Variants in KCNH1 observed in about 807,000 individuals in gnomAD.
KCNH1 encodes potassium voltage-gated channel subfamily H member 1.
In KCNH1, 27 loss-of-function variants were observed where a neutral mutation model predicts 69.2. That is an observed-to-expected ratio of 0.39 (90% CI 0.29 to 0.54). The LOEUF is 0.54. Among genes scored for constraint, KCNH1 ranks in the 20% least tolerant of loss-of-function variants. KCNH1 has a pLI of 0.68. For synonymous variants in KCNH1, 456 were observed against 487.7 expected (o/e 0.93, Z 0.86); for missense variants, 798 against 1,261.6 (o/e 0.63, Z 5.57).
chr1:210,741,984 G>A (rs1558449888), intron 10 of KCNH1, among the ~76,000 whole-genome samples: 2 of 152,186 alleles, frequency 1.3e-5, no homozygotes, highest in African/African-American at 4.8e-5. Flanking sequence ...TAATTGATTA[G>A]AGATAGTGCT....
chr1:210,926,512 G>T (rs571404585), intron 6 of KCNH1, among the ~76,000 whole-genome samples: 1 of 152,110 alleles, frequency 6.6e-6, no homozygotes, highest in Non-Finnish European at 1.5e-5. Context: ...CTAGGGGAAG[G>T]GGGAGAACAC....
chr1:210,821,007 A>G (rs1046106278), intron 7 of KCNH1, among the ~76,000 whole-genome samples: 1 of 152,222 alleles, frequency 6.6e-6, no homozygotes, highest in Non-Finnish European at 1.5e-5. Flanking sequence ...GTGTTAATCT[A>G]TTATAGCGCA....
chr1:210,976,406 C>T (rs932533583), intron 6 of KCNH1, among the ~76,000 whole-genome samples: 7 of 148,696 alleles, frequency 4.7e-5, no homozygotes, highest in African/African-American at 1.7e-4. Context: ...CAATGAGATA[C>T]CATCTCACAC....
At position 210,683,735 on chromosome 1, in the gene KCNH1, C is replaced by T. The variant is rs1199318830; in HGVS notation, c.2516G>A (p.Arg839His). ...ACTCTTCCCGCAAGCATCTTTGAAGCGGGCCCAGCTTTTGCGCTTGGCACA... is the reference window on the plus strand; with the variant it reads ...ACTCTTCCCGCAAGCATCTTTGAAGTGGGCCCAGCTTTTGCGCTTGGCACA... ...GDCAKRKSWA[R>H]FKDACGKSED... is the part of the protein sequence containing the mutation. Residue 839 changes from arginine to histidine, a missense_variant, in exon 11 of 11, where the codon CGC becomes CAC. This residue lies in a region of KCNH1 where 331 missense variants were observed against 363.2 expected (regional missense o/e 0.91). Transcript: ENST00000271751. The surrounding 1 kb of genome is among the most constrained non-coding windows in gnomAD (Gnocchi z 5.7). 6.2e-7 allele frequency: 1 copy of T among 1,614,152 alleles called. No homozygotes were observed. Among genetic ancestry groups the T allele is most frequent in the Non-Finnish European group, 8.5e-7 (1 of 1,180,046 alleles).
chr1:210,742,858 C>T (rs111543125), intron 10 of KCNH1, among the ~76,000 whole-genome samples: 13 of 150,390 alleles, frequency 8.6e-5, no homozygotes, highest in South Asian at 6.3e-4. Context: ...TGTGTGTGTG[C>T]GCGCGCGCGT....
intron 7 of KCNH1, among the ~76,000 whole-genome samples, chr1:210,818,645 T>C (rs1411111257): frequency 6.6e-6 from 1 of 152,220 alleles, no homozygotes; most frequent in Non-Finnish European, 1.5e-5. Flanking sequence ...TCAGTTTTTT[T>C]GCTATGTTAT....
chr1:210,918,921 A>G (rs575392480), intron 7 of KCNH1: 7 of 152,360 alleles, frequency 4.6e-5, no homozygotes, highest in Admixed American at 1.3e-4. Flanking sequence ...TATATAATCA[A>G]TATAAAATAC....
At chr1:210,880,781 A>G (rs1373286352) in intron 7 of KCNH1, among the ~76,000 whole-genome samples, 1 of 152,186 alleles carries the variant, frequency 6.6e-6, no homozygotes, top group Non-Finnish European at 1.5e-5. Context: ...TGTCAAGAGA[A>G]TGAGAAGGCA....
At chr1:210,901,812 C>T (rs1386141557) in intron 7 of KCNH1, among the ~76,000 whole-genome samples, 1 of 152,154 alleles carries the variant, frequency 6.6e-6, no homozygotes, top group Admixed American at 6.5e-5. Flanking sequence ...TCTTATATTC[C>T]ATTTATCTGT....
intron 7 of KCNH1, among the ~76,000 whole-genome samples, chr1:210,819,574 C>A (rs1684884367): frequency 6.6e-6 from 1 of 151,310 alleles, no homozygotes; most frequent in African/African-American, 2.4e-5. Flanking sequence ...TTAAGCTAAG[C>A]AGTGACTAGT....
chr1:211,124,066 G>A (rs187614732), intron 1 of KCNH1, among the ~76,000 whole-genome samples: 1 of 152,280 alleles, frequency 6.6e-6, no homozygotes, highest in East Asian at 1.9e-4. Context: ...ACAGGAGAGT[G>A]ACTAGAATTT....
chr1:211,061,994 CCCAGAATAG>C (rs1690440591), intron 5 of KCNH1, among the ~76,000 whole-genome samples: 1 of 151,990 alleles, frequency 6.6e-6, no homozygotes, highest in South Asian at 2.1e-4. Flanking sequence ...CAACAGAAGA[CCCAGAATAG>C]CCAAAGCTAT....
At chr1:210,893,102 T>C (rs1239804727) in intron 7 of KCNH1, among the ~76,000 whole-genome samples, 3 of 152,204 alleles carry the variant, frequency 2.0e-5, no homozygotes, top group Non-Finnish European at 4.4e-5. Flanking sequence ...GAAAGGCTAG[T>C]GTTCTTCATT....
intron 9 of KCNH1, among the ~76,000 whole-genome samples, chr1:210,793,251 T>C (rs1427266445): frequency 2.0e-5 from 3 of 152,176 alleles, no homozygotes; most frequent in Admixed American, 2.0e-4. Context: ...GAGAACATCA[T>C]CTAGGTTTCT....
chr1:211,093,112 A>T (rs1169524511), intron 3 of KCNH1, among the ~76,000 whole-genome samples: 2 of 152,166 alleles, frequency 1.3e-5, no homozygotes, highest in Admixed American at 1.3e-4. Flanking sequence ...CCTGCAGCCC[A>T]TCACTGCACT....
chr1:210,993,736 A>G (rs1409035262), intron 6 of KCNH1, among the ~76,000 whole-genome samples: 2 of 152,190 alleles, frequency 1.3e-5, no homozygotes, highest in Non-Finnish European at 2.9e-5. Flanking sequence ...AACCAGAATT[A>G]TCTAAGCTAA....
chr1:210,708,093 T>G (rs1281697298), intron 10 of KCNH1, among the ~76,000 whole-genome samples: 1 of 152,128 alleles, frequency 6.6e-6, no homozygotes, highest in African/African-American at 2.4e-5. Flanking sequence ...AGCCCTTCAC[T>G]GTCTCATTCT....
At chr1:210,880,070 C>T (rs1370206404) in intron 7 of KCNH1, among the ~76,000 whole-genome samples, 7 of 152,094 alleles carry the variant, frequency 4.6e-5, no homozygotes, top group Non-Finnish European at 5.9e-5. Context: ...AACTACAAAA[C>T]TCTTATGAAG....
chr1:210,822,362 C>T (rs927288190), intron 7 of KCNH1, among the ~76,000 whole-genome samples: 1 of 151,914 alleles, frequency 6.6e-6, no homozygotes, highest in Non-Finnish European at 1.5e-5. Context: ...AGGCGGGAAG[C>T]CTTATACCAG....
Sources: allele counts gnomAD v4.1 joint callset (sites outside exome capture counted in the v4.1 genomes callset), GRCh38; gene constraint gnomAD v4.1.1; regional missense constraint gnomAD v4.1.1; non-coding constraint Gnocchi (gnomAD v3.1); transcripts MANE v1.5; gene names NCBI Gene and HGNC (gene_info 2026-07-23, HGNC 2026-07-21).